The following LANCL3 variants were observed in gnomAD, a reference collection of about 807,000 sequenced individuals.
The protein encoded by LANCL3 is LanC like family member 3, also known as lanC-like protein 3.
In LANCL3, 19 loss-of-function variants were observed where a neutral mutation model predicts 26.5. The observed-to-expected ratio is 0.72, with a 90% CI of 0.50 to 1.05. LANCL3 has a LOEUF of 1.05. Ranked by LOEUF, LANCL3 falls within the 50% of genes least tolerant of loss-of-function variation. The probability of loss-of-function intolerance (pLI) is 0.00; values close to 1 mark genes in which losing one functional copy is unlikely to be tolerated. For synonymous variants in LANCL3, 160 were observed against 166.6 expected (o/e 0.96, Z 0.30); for missense variants, 318 against 362.7 (o/e 0.88, Z 1.00).
At chrX:37,605,898 G>A (rs1924699988) in intron 1 of LANCL3, among the ~76,000 whole-genome samples, 1 of 111,424 alleles carries the variant, frequency 9.0e-6, no homozygotes, top group Non-Finnish European at 1.9e-5. Context: ...TAGACAGCTT[G>A]TTCATTTATA....
intron 3 of LANCL3, among the ~76,000 whole-genome samples, chrX:37,664,893 C>CT (rs1299251406): frequency 4.5e-5 from 5 of 111,637 alleles, no homozygotes; most frequent in African/African-American, 1.3e-4. Context: ...GACATAATCT[C>CT]TTTTTTTATG....
At chrX:37,576,066 A>G (rs1364151124) in intron 1 of LANCL3, among the ~76,000 whole-genome samples, 2 of 112,175 alleles carry the variant, frequency 1.8e-5, no homozygotes, top group Non-Finnish European at 3.8e-5. Flanking sequence ...GGTCCATATA[A>G]GCTAGCGTAC....
At chrX:37,640,314 C>T (rs1427495246) in intron 1 of LANCL3, among the ~76,000 whole-genome samples, 3 of 111,322 alleles carry the variant, frequency 2.7e-5, no homozygotes, top group Non-Finnish European at 3.8e-5. Context: ...ATTTACATGG[C>T]GGCAGGAGAG....
At chrX:37,572,628 C>T (rs1313180981) in intron 1 of LANCL3, among the ~76,000 whole-genome samples, 185 bp downstream of exon 1, 1 of 112,355 alleles carries the variant, frequency 8.9e-6, no homozygotes, top group Admixed American at 9.3e-5. Context: ...TCTTTCCTGT[C>T]GTTTTCAGTC....
rs782415197 is a variant in LANCL3 at position 37,584,118 on chromosome X, G to A, written c.573+11675G>A. On this transcript the variant is annotated intron_variant, in intron 1 of 4. Coordinates refer to ENST00000378619, the MANE Select transcript of LANCL3 (RefSeq NM_001170331.2). ...TGGTTCTGTTTATATGCTGGATTAC[G>A]TTTATTGATTTGCATATGTTGAACC... Among the ~76,000 whole-genome samples, 34 of 111,552 alleles carry A rather than the reference G, an allele frequency of 3.0e-4. No individual in the cohort carries two copies. The East Asian group carries it at 3.1e-3, about 10-fold the overall frequency.
rs1923588605 is a variant in LANCL3 at position 37,571,956 on chromosome X, C to T, written c.86C>T (p.Pro29Leu). Residue 29 changes from proline to leucine, a missense_variant, in exon 1 of 5, where the codon CCC becomes CTC. Coordinates refer to ENST00000378619, the MANE Select transcript of LANCL3 (RefSeq NM_001170331.2). Reference protein sequence around the residue: ...LAGQCEEAVAPLVTATIERIL... With the variant: ...LAGQCEEAVALLVTATIERIL... The stretch of plus-strand genomic sequence containing the variant: ...GGCCAGTGTGAGGAGGCGGTGGCGC[C>T]CTTGGTCACCGCCACCATCGAGCGC... The T allele has an allele frequency of 8.3e-7, 1 of 1,201,478 alleles. No homozygotes were observed. Among genetic ancestry groups the T allele is most frequent in the South Asian group, 1.8e-5 (1 of 55,662 alleles).
intron 1 of LANCL3, among the ~76,000 whole-genome samples, chrX:37,637,731 T>C (rs1394828948): frequency 8.9e-6 from 1 of 112,217 alleles, no homozygotes; most frequent in African/African-American, 3.2e-5. Context: ...TGAGATTTTC[T>C]ATTCATTTAA....
At chrX:37,639,747 C>CT (rs1357905583) in intron 1 of LANCL3, among the ~76,000 whole-genome samples, 8 of 111,528 alleles carry the variant, frequency 7.2e-5, no homozygotes, top group South Asian at 3.8e-4. Flanking sequence ...ACACGTGGAG[C>CT]TTTTTTTAAA....
chrX:37,664,625 C>A (rs782588116), intron 3 of LANCL3, among the ~76,000 whole-genome samples: 23 of 111,411 alleles, frequency 2.1e-4, no homozygotes, highest in African/African-American at 7.2e-4. Flanking sequence ...GGGTAAATTG[C>A]ATGTCACTGG....
chrX:37,601,421 A>G (rs1556420003), intron 1 of LANCL3, among the ~76,000 whole-genome samples: 1 of 111,954 alleles, frequency 8.9e-6, no homozygotes, highest in Non-Finnish European at 1.9e-5. Context: ...GGAGCACATT[A>G]CAGTAAACTA....
chrX:37,587,148 C>A (rs1556418173), intron 1 of LANCL3, among the ~76,000 whole-genome samples: 3 of 112,605 alleles, frequency 2.7e-5, no homozygotes, highest in African/African-American at 9.7e-5. Flanking sequence ...CCTGATTGTT[C>A]CTCTGGAGGT....
chrX:37,660,629 C>T (rs993807746), intron 3 of LANCL3, among the ~76,000 whole-genome samples: 2 of 111,136 alleles, frequency 1.8e-5, no homozygotes, highest in Middle Eastern at 4.2e-3. Flanking sequence ...GATTCTGAGT[C>T]GATTTAATTT....
At chrX:37,632,068 T>A (rs1265324615) in intron 1 of LANCL3, among the ~76,000 whole-genome samples, 3 of 111,240 alleles carry the variant, frequency 2.7e-5, no homozygotes, top group African/African-American at 9.9e-5. Flanking sequence ...AAGTCTCCCA[T>A]TATTATTGTG....
At chrX:37,583,494 G>A (rs1923962362) in intron 1 of LANCL3, among the ~76,000 whole-genome samples, 1 of 111,238 alleles carries the variant, frequency 9.0e-6, no homozygotes, top group African/African-American at 3.3e-5. Context: ...TTATTTCATT[G>A]AGCAGTGGTT....
intron 1 of LANCL3, among the ~76,000 whole-genome samples, chrX:37,576,248 G>C (rs1220649634): frequency 1.8e-5 from 2 of 111,990 alleles, no homozygotes; most frequent in African/African-American, 6.5e-5. Context: ...TATGTGGCAA[G>C]AGACAGAGAA....
intron 3 of LANCL3, among the ~76,000 whole-genome samples, chrX:37,662,319 C>T (rs1926441399): frequency 8.9e-6 from 1 of 112,471 alleles, no homozygotes; most frequent in Non-Finnish European, 1.9e-5. Flanking sequence ...AAGAAACTCT[C>T]AACCGCATTA....
chrX:37,630,436 C>T (rs1266144316), intron 1 of LANCL3, among the ~76,000 whole-genome samples: 7 of 107,258 alleles, frequency 6.5e-5, no homozygotes, highest in Non-Finnish European at 7.7e-5. Context: ...ATTGAATACC[C>T]TTTATTTCCT....
intron 1 of LANCL3, among the ~76,000 whole-genome samples, chrX:37,633,811 C>A (rs1231723600): frequency 7.2e-5 from 8 of 111,450 alleles, no homozygotes; most frequent in Admixed American, 5.7e-4. Flanking sequence ...GAGGCGTACC[C>A]GGCCATGTGA....
At chrX:37,593,756 C>T (rs1184288783) in intron 1 of LANCL3, among the ~76,000 whole-genome samples, 6 of 112,175 alleles carry the variant, frequency 5.3e-5, no homozygotes, top group Admixed American at 4.7e-4. Context: ...ACATTTACCC[C>T]CTTCCTGCTC....
Sources: allele counts gnomAD v4.1 joint callset (sites outside exome capture counted in the v4.1 genomes callset), GRCh38; gene constraint gnomAD v4.1.1; transcripts MANE v1.5; gene names NCBI Gene and HGNC (gene_info 2026-07-23, HGNC 2026-07-21).